The following GABRG2 variants were observed in gnomAD, a reference collection of about 807,000 sequenced individuals.
GABRG2 encodes the protein gamma-aminobutyric acid type A receptor subunit gamma2.
A neutral mutation model predicts 56.4 loss-of-function variants in GABRG2; 16 were observed. That is an observed-to-expected ratio of 0.28 (90% CI 0.19 to 0.43). GABRG2 has a LOEUF of 0.43. Among genes scored for constraint, GABRG2 ranks in the 20% least tolerant of loss-of-function variants. The pLI is 1.00. For missense variants in GABRG2, 327 were observed against 582.7 expected, an observed-to-expected ratio of 0.56 and a Z score of 4.52; for synonymous variants, 208 against 205.5, an observed-to-expected ratio of 1.01 and a Z score of -0.10.
At position 162,153,547 on chromosome 5, in the gene GABRG2, T is replaced by C. The variant is rs1765524088; in HGVS notation, c.*179T>C. ...TTGTGCCCAGCCCTCCTTTGGTTAG[T>C]GTACTTTGAACTTCGATGTTTGCTG... On this transcript the variant is annotated 3_prime_UTR_variant, in exon 10 of 10. Transcript: ENST00000639213. 7.8e-6 allele frequency: 6 copies of C among 771,094 alleles called. No homozygotes were observed. Among genetic ancestry groups the C allele is most frequent in the Non-Finnish European group, 1.3e-5 (6 of 470,040 alleles). 47.8% of individuals were successfully genotyped at this position (771,094 alleles called of 1,614,324 possible).
chr5:162,101,215 T>C lies in GABRG2; in HGVS notation c.549-20T>C. 6.6e-7 allele frequency: 1 copy of C among 1,503,958 alleles called. No individual in the cohort carries two copies. Among genetic ancestry groups the C allele is most frequent in the Non-Finnish European group, 9.2e-7 (1 of 1,081,236 alleles). 93.2% of individuals were successfully genotyped at this position (1,503,958 alleles called of 1,614,324 possible). A position where few individuals can be genotyped will look rare whatever the true frequency, so the allele number is the denominator to read the frequency against. ...AATTATGTCTAAAATCCATCTTATG[T>C]TTAATATCTTTCTACTTAGGTTGAC... On this transcript the variant is annotated intron_variant, in intron 4 of 9. Transcript: ENST00000639213.
At chr5:162,144,691 G>A (rs1242830341) in intron 7 of GABRG2, among the ~76,000 whole-genome samples, 1 of 152,160 alleles carries the variant, frequency 6.6e-6, no homozygotes, top group African/African-American at 2.4e-5. Context: ...AGCATAAGGA[G>A]GTAGTAGATC....
At chr5:162,090,325 C>CCATACA (rs10672843) in intron 1 of GABRG2, among the ~76,000 whole-genome samples, 55,704 of 150,842 alleles carry the variant, frequency 0.37, 10,527 homozygotes, top group Non-Finnish European at 0.43. Flanking sequence ...CATACACATA[C>CCATACA]CATACACATA....
intron 1 of GABRG2, among the ~76,000 whole-genome samples, chr5:162,086,309 C>T (rs796371784): frequency 3.9e-5 from 6 of 152,006 alleles, no homozygotes; most frequent in Middle Eastern, 3.2e-3. Context: ...AACTATTCAT[C>T]GGGTGTCTTG....
intron 7 of GABRG2, among the ~76,000 whole-genome samples, chr5:162,147,675 G>A (rs760197188): frequency 2.6e-5 from 4 of 152,038 alleles, no homozygotes; most frequent in Non-Finnish European, 4.4e-5. Context: ...GACCTGTTTC[G>A]AAGTTTCCCT....
At chr5:162,149,906 G>T (rs116473658) in intron 8 of GABRG2, 112 of 248,438 alleles carry the variant, frequency 4.5e-4, no homozygotes, top group African/African-American at 2.4e-3. Context: ...GAGCCACTGC[G>T]CCTGGCCATG....
intron 4 of GABRG2, 86 bp downstream of exon 4, chr5:162,097,944 A>C: frequency 8.7e-7 from 1 of 1,150,646 alleles, no homozygotes; most frequent in Non-Finnish European, 1.3e-6. Context: ...AAAAGAAAAA[A>C]AAAAAAGGAA....
At chr5:162,112,299 C>A (rs995388580) in intron 6 of GABRG2, among the ~76,000 whole-genome samples, 1 of 151,730 alleles carries the variant, frequency 6.6e-6, no homozygotes, top group Admixed American at 6.6e-5. Flanking sequence ...TTTTCTAACC[C>A]AGCTGAAAAT....
At chr5:162,145,283 C>T (rs1035588055) in intron 7 of GABRG2, among the ~76,000 whole-genome samples, 2 of 152,086 alleles carry the variant, frequency 1.3e-5, no homozygotes, top group Non-Finnish European at 2.9e-5. Flanking sequence ...GTTGGTGAGG[C>T]TTATTTCTGG....
intron 6 of GABRG2, among the ~76,000 whole-genome samples, chr5:162,119,067 G>A (rs770000727): frequency 1.3e-5 from 2 of 152,050 alleles, no homozygotes; most frequent in Non-Finnish European, 2.9e-5. Context: ...AGTCATTTGA[G>A]AATTGAAAAT....
chr5:162,103,953 A>G lies in GABRG2; in HGVS notation c.696A>G (p.Thr232=), dbSNP rs1306075070. The stretch of plus-strand genomic sequence containing the variant: ...GAAGTTCTGTTGAAGTGGGCGACAC[A>G]AGATCCTGGAGGCTTTATCAATTCT... ...WKRSSVEVGD[T]RSWRLYQFSF... Residue 232 remains threonine, a synonymous_variant, in exon 6 of 10, where the codon ACA becomes ACG. Transcript: ENST00000639213. 6 of 1,613,888 alleles carry G rather than the reference A, an allele frequency of 3.7e-6. No homozygotes were observed. The East Asian group carries it at 1.1e-4, about 30-fold the overall frequency.
intron 5 of GABRG2, chr5:162,102,352 C>T: frequency 2.6e-6 from 1 of 384,384 alleles, no homozygotes; most frequent in Admixed American, 2.7e-5. Context: ...ATTGGGACTA[C>T]TTCTTTCTTG....
chr5:162,140,908 A>G (rs527619195), intron 6 of GABRG2, among the ~76,000 whole-genome samples: 2 of 152,358 alleles, frequency 1.3e-5, no homozygotes, highest in African/African-American at 4.8e-5. Context: ...GACTTTAAAA[A>G]GAGACTTCAA....
intron 4 of GABRG2, 131 bp from the exon 5 acceptor site, chr5:162,101,104 T>C (rs1761380987): frequency 2.8e-6 from 2 of 713,234 alleles, no homozygotes; most frequent in African/African-American, 1.8e-5. Flanking sequence ...GATTTCTTCA[T>C]TGGGGATCAC....
intron 6 of GABRG2, among the ~76,000 whole-genome samples, chr5:162,106,512 G>A (rs761164102): frequency 1.3e-5 from 2 of 152,050 alleles, no homozygotes; most frequent in African/African-American, 2.4e-5. Flanking sequence ...GATTTTTGAT[G>A]CTATTCTTAT....
At chr5:162,137,097 T>C (rs1764189640) in intron 6 of GABRG2, among the ~76,000 whole-genome samples, 1 of 152,098 alleles carries the variant, frequency 6.6e-6, no homozygotes, top group Non-Finnish European at 1.5e-5. Flanking sequence ...AGTTTGCAAC[T>C]GATTAATTTG....
chr5:162,123,235 AT>A (rs958579055), intron 6 of GABRG2, among the ~76,000 whole-genome samples: 1 of 151,154 alleles, frequency 6.6e-6, no homozygotes, highest in African/African-American at 2.4e-5. Flanking sequence ...TCCTCCTGAT[AT>A]TTTTTTTTCT....
chr5:162,069,862 T>G (rs1418490587), intron 1 of GABRG2, among the ~76,000 whole-genome samples: 1 of 152,116 alleles, frequency 6.6e-6, no homozygotes, highest in Non-Finnish European at 1.5e-5. Context: ...AACAGTTACT[T>G]ACTAAAAGAA....
chr5:162,082,778 G>A (rs1438132866), intron 1 of GABRG2, among the ~76,000 whole-genome samples: 1 of 150,618 alleles, frequency 6.6e-6, no homozygotes, highest in Non-Finnish European at 1.5e-5. Context: ...GAGAGTAGGA[G>A]GAAGGAGGAA....
Sources: allele counts gnomAD v4.1 joint callset (sites outside exome capture counted in the v4.1 genomes callset), GRCh38; gene constraint gnomAD v4.1.1; transcripts MANE v1.5; gene names NCBI Gene and HGNC (gene_info 2026-07-23, HGNC 2026-07-21).